The following USP6NL variants were observed in gnomAD, a reference collection of about 807,000 sequenced individuals.
The protein encoded by USP6NL is USP6 N-terminal-like protein.
In USP6NL, 26 loss-of-function variants were observed where a neutral mutation model predicts 61.9. The observed-to-expected ratio is 0.42, with a 90% CI of 0.31 to 0.58. The LOEUF is 0.58. Ranked by LOEUF, USP6NL falls within the 20% of genes least tolerant of loss-of-function variation. USP6NL has a pLI of 0.16. For missense variants in USP6NL, 1,114 were observed against 1,034.3 expected (o/e 1.08, Z -1.06); for synonymous variants, 432 against 390.1 (o/e 1.11, Z -1.27).
chr10:11,492,431 T>C (rs1316801985), intron 8 of USP6NL, among the ~76,000 whole-genome samples: 2 of 152,218 alleles, frequency 1.3e-5, no homozygotes, highest in East Asian at 1.9e-4. Context: ...CAGGCCTCAT[T>C]CAATCTGTTG....
intron 2 of USP6NL, among the ~76,000 whole-genome samples, chr10:11,559,020 T>TC (rs1269659720): frequency 6.6e-6 from 1 of 152,194 alleles, no homozygotes; most frequent in Non-Finnish European, 1.5e-5. Flanking sequence ...GTTACAGACT[T>TC]CTATAGTCAT....
intron 2 of USP6NL, chr10:11,573,736 T>C (rs915047411): frequency 1.0e-5 from 4 of 398,486 alleles, no homozygotes; most frequent in African/African-American, 2.1e-5. Context: ...ACAGGTTTCA[T>C]CACCAGAAGC....
intron 2 of USP6NL, among the ~76,000 whole-genome samples, chr10:11,545,446 G>A (rs185284795): frequency 3.3e-5 from 5 of 152,336 alleles, no homozygotes; most frequent in Admixed American, 3.3e-4. Context: ...AGAAAGAGGT[G>A]AAGCTGCCGT....
At chr10:11,545,995 T>C (rs1423053274) in intron 2 of USP6NL, among the ~76,000 whole-genome samples, 2 of 152,238 alleles carry the variant, frequency 1.3e-5, no homozygotes, top group Middle Eastern at 3.2e-3. Flanking sequence ...TACATTACTA[T>C]CCTTGTGAAC....
intron 2 of USP6NL, among the ~76,000 whole-genome samples, chr10:11,593,915 CT>C (rs1454429083): frequency 5.9e-5 from 9 of 152,150 alleles, no homozygotes; most frequent in African/African-American, 1.9e-4. Flanking sequence ...ATGGAAAGGG[CT>C]GGGAAACACT....
chr10:11,576,099 A>G (rs1837534666), intron 2 of USP6NL, among the ~76,000 whole-genome samples: 1 of 152,200 alleles, frequency 6.6e-6, no homozygotes, highest in Non-Finnish European at 1.5e-5. Flanking sequence ...GAAAAAAAAA[A>G]AAAGCAATAA....
chr10:11,594,750 T>G (rs143063106), intron 2 of USP6NL, among the ~76,000 whole-genome samples: 1 of 152,288 alleles, frequency 6.6e-6, no homozygotes, highest in African/African-American at 2.4e-5. Flanking sequence ...AAACACAGAA[T>G]AGCTCCTGCA....
At chr10:11,576,612 C>A (rs543499792) in intron 2 of USP6NL, among the ~76,000 whole-genome samples, 4 of 152,196 alleles carry the variant, frequency 2.6e-5, no homozygotes, top group Non-Finnish European at 5.9e-5. Context: ...CTGCCAGTGC[C>A]TTGATCTTGG....
chr10:11,592,759 T>G lies in USP6NL; in HGVS notation c.4+4872A>C, dbSNP rs1011341067. 6.6e-6 allele frequency among the ~76,000 whole-genome samples: 1 copy of G among 152,260 alleles called. No homozygotes were observed. The highest frequency in any genetic ancestry group is 2.4e-5 in the African/African-American group (1 of 41,472). ...TAGCCAGTACTTATGGGAAGTCTTC[T>G]GTTACTTGGAGCACAACTTTTTTAC... On this transcript the variant is annotated intron_variant, in intron 2 of 14. Transcript: ENST00000609104. The surrounding 1 kb of genome is among the most constrained non-coding windows in gnomAD (Gnocchi z 4.7).
Position 11,598,957 on chromosome 10 carries a change from C to T in USP6NL, c.-83-1240G>A, listed in dbSNP as rs1428739234. ...AATACCCTGACCCCCAACCCACATG[C>T]TTTCCTCTTTATCTGTCCACTTAAA... On this transcript the variant is annotated intron_variant, in intron 1 of 14. Coordinates refer to ENST00000609104, the MANE Select transcript of USP6NL (RefSeq NM_014688.5). The surrounding 1 kb of genome is among the most constrained non-coding windows in gnomAD (Gnocchi z 4.7). Among the ~76,000 whole-genome samples, 1 of 152,242 alleles carries T rather than the reference C, an allele frequency of 6.6e-6. No individual in the cohort carries two copies. Among genetic ancestry groups the T allele is most frequent in the Non-Finnish European group, 1.5e-5 (1 of 68,036 alleles).
chr10:11,463,059 G>C lies in USP6NL; in HGVS notation c.1869C>G (p.Ala623=). 1 of 1,614,028 alleles carries C rather than the reference G, an allele frequency of 6.2e-7. No homozygotes were observed. The highest frequency in any genetic ancestry group is 8.5e-7 in the Non-Finnish European group (1 of 1,179,906). Residue 623 remains alanine (A), a synonymous_variant, in exon 15 of 15, where the codon GCC becomes GCG. Transcript: ENST00000609104. This position sits in a 1 kb window ranked among gnomAD's most constrained non-coding sequence, Gnocchi z 6.3. The stretch of plus-strand genomic sequence containing the variant: ...AGGAGGGGGGATGAGCTAGCCCTCG[G>C]GCTTCCCCATCTAGCTGGGACGGAT... ...ARYPSQLDGE[A]RGLAHPPSYS...
intron 2 of USP6NL, among the ~76,000 whole-genome samples, chr10:11,543,882 G>T (rs570654590): frequency 1.4e-5 from 2 of 140,568 alleles, no homozygotes; most frequent in Non-Finnish European, 3.0e-5. Flanking sequence ...CGCAGTCTCG[G>T]CTCACTGCAA....
At chr10:11,516,643 G>A (rs1193726964) in intron 5 of USP6NL, among the ~76,000 whole-genome samples, 1 of 151,970 alleles carries the variant, frequency 6.6e-6, no homozygotes, top group East Asian at 1.9e-4. Context: ...AAGGCCTTAG[G>A]GAAACCCAAT....
chr10:11,590,651 T>C (rs1027665622), intron 2 of USP6NL, among the ~76,000 whole-genome samples: 19 of 152,122 alleles, frequency 1.2e-4, no homozygotes, highest in Non-Finnish European at 8.8e-5. Flanking sequence ...ACATCAACTC[T>C]AATAACACAG....
Position 11,602,567 on chromosome 10 carries a change from C to T in USP6NL, c.-83-4850G>A, listed in dbSNP as rs1238603563. 2.0e-5 allele frequency among the ~76,000 whole-genome samples: 3 copies of T among 152,140 alleles called. No individual in the cohort carries two copies. Among genetic ancestry groups the T allele is most frequent in the Non-Finnish European group, 4.4e-5 (3 of 68,020 alleles). On this transcript the variant is annotated intron_variant, in intron 1 of 14. Coordinates refer to ENST00000609104, the MANE Select transcript of USP6NL (RefSeq NM_014688.5). The surrounding 1 kb of genome is among the most constrained non-coding windows in gnomAD (Gnocchi z 4.8). The stretch of plus-strand genomic sequence containing the variant: ...TACAGCACAGTAATTTCAGTACCCT[C>T]CTTCCTTCATTGAGATTCACGGTTC...
At position 11,496,099 on chromosome 10, in the gene USP6NL, A is replaced by T. The variant is rs1833913908; in HGVS notation, c.385-2871T>A. On this transcript the variant is annotated intron_variant, in intron 7 of 14. Transcript: ENST00000609104. This position sits in a 1 kb window ranked among gnomAD's most constrained non-coding sequence, Gnocchi z 5.4. ...GGCTGGACTGTCCAAAATTTAAACT[A>T]CTCAACTCCTCTGCTTTCATGACAG... Among the ~76,000 whole-genome samples, 1 of 152,162 alleles carries T rather than the reference A, an allele frequency of 6.6e-6. No individual in the cohort carries two copies. Among genetic ancestry groups the T allele is most frequent in the Non-Finnish European group, 1.5e-5 (1 of 68,030 alleles).
At chr10:11,605,970 G>C (rs924280403) in intron 1 of USP6NL, among the ~76,000 whole-genome samples, 5 of 152,114 alleles carry the variant, frequency 3.3e-5, no homozygotes, top group Non-Finnish European at 5.9e-5. Flanking sequence ...GAGTGGCTGA[G>C]AACTTGCCAA....
intron 2 of USP6NL, among the ~76,000 whole-genome samples, chr10:11,544,102 T>A (rs1836179901): frequency 6.6e-6 from 1 of 151,998 alleles, no homozygotes; most frequent in South Asian, 2.1e-4. Flanking sequence ...TGAGCCACCA[T>A]GCCCGGCCCA....
In USP6NL at chr10:11,562,776, C is replaced by A. The variant is rs75394952; in HGVS notation, c.4+34855G>T. 4 of 984,920 alleles carry A rather than the reference C, an allele frequency of 4.1e-6. No individual in the cohort carries two copies. The highest frequency in any genetic ancestry group is 4.8e-6 in the Non-Finnish European group (4 of 829,528). The allele number at this position is 984,920 out of a possible 1,614,324, so 61.0% of individuals were successfully genotyped here. On this transcript the variant is annotated intron_variant, in intron 2 of 14. Transcript: ENST00000609104. The surrounding 1 kb of genome is among the most constrained non-coding windows in gnomAD (Gnocchi z 4.8). ...ACACAGTACAATCATAAGTGAATTG[C>A]CTAATTTCTCAGTATTCTAGTTTTA...
Sources: allele counts gnomAD v4.1 joint callset (sites outside exome capture counted in the v4.1 genomes callset), GRCh38; gene constraint gnomAD v4.1.1; non-coding constraint Gnocchi (gnomAD v3.1); transcripts MANE v1.5; gene names NCBI Gene and HGNC (gene_info 2026-07-23, HGNC 2026-07-21).